Variants in MYO5B observed in about 807,000 individuals in gnomAD.
MYO5B encodes the protein myosin VB, also known as unconventional myosin-Vb.
MYO5B carries 143 observed loss-of-function variants against 229.3 expected under a neutral mutation model. That is an observed-to-expected ratio of 0.62 (90% confidence interval 0.54 to 0.72). MYO5B has a LOEUF of 0.72. Ranked by LOEUF, MYO5B falls within the 30% of genes least tolerant of loss-of-function variation. The pLI is 0.00. For missense variants in MYO5B, 2,321 were observed against 2,331.0 expected, an observed-to-expected ratio of 1.00 and a Z score of 0.09; for synonymous variants, 918 against 885.2, an observed-to-expected ratio of 1.04 and a Z score of -0.66.
chr18:49,966,051 A>T (rs1179732314), intron 10 of MYO5B, among the ~76,000 whole-genome samples: 1 of 152,152 alleles, frequency 6.6e-6, no homozygotes, highest in East Asian at 1.9e-4. Flanking sequence ...GAAATGTTGC[A>T]GCTGGCCCTG....
chr18:50,077,236 C>T (rs2941748), intron 1 of MYO5B, among the ~76,000 whole-genome samples: 148,931 of 149,282 alleles, frequency 1, 74,293 homozygotes, highest in Middle Eastern at 1. Context: ...GTCGGTCTTT[C>T]ACTATTTTTT....
At chr18:50,158,497 C>A (rs1353519275) in intron 1 of MYO5B, among the ~76,000 whole-genome samples, 1 of 152,178 alleles carries the variant, frequency 6.6e-6, no homozygotes, top group Non-Finnish European at 1.5e-5. Flanking sequence ...TCTTTCCTTG[C>A]GTGGATTCCT....
chr18:50,038,743 C>T (rs1029884815), intron 3 of MYO5B, among the ~76,000 whole-genome samples: 3 of 152,168 alleles, frequency 2.0e-5, no homozygotes, highest in African/African-American at 7.2e-5. Flanking sequence ...TAAATATGTA[C>T]AGACACTGGG....
Position 50,168,670 on chromosome 18 carries a change from C to G in MYO5B, c.27+26097G>C, listed in dbSNP as rs554258781. 4.7e-5 allele frequency among the ~76,000 whole-genome samples: 3 copies of G among 64,228 alleles called. 1 individual carries two copies. The highest frequency in any genetic ancestry group is 1.8e-4 in the African/African-American group (3 of 16,494). 42.1% of individuals were successfully genotyped at this position (64,228 alleles called of 152,430 possible). ...CTGTGTGAATCTCAGACACCACGAC[C>G]CCTAACCAGGTCTTGGTCAATCACC... is the stretch of plus-strand genomic sequence containing the variant. On this transcript the variant is annotated intron_variant, in intron 1 of 39. Coordinates refer to ENST00000285039, the MANE Select transcript of MYO5B (RefSeq NM_001080467.3).
chr18:50,118,166 C>T (rs1304568666), intron 1 of MYO5B, among the ~76,000 whole-genome samples: 1 of 152,278 alleles, frequency 6.6e-6, no homozygotes, highest in African/African-American at 2.4e-5. Context: ...CCAACTAAAC[C>T]CTGAGACCAG....
In MYO5B at chr18:49,873,905, A is replaced by T. The variant is rs1315278702; in HGVS notation, c.3538-1673T>A. On this transcript the variant is annotated intron_variant, in intron 26 of 39. Transcript: ENST00000285039. Reference sequence around the variant, plus strand: ...TCAGTCACTTCCATACTGATGGTACATCCCATGGGCTTCCCTGCCATTCCT... The same window carrying T: ...TCAGTCACTTCCATACTGATGGTACTTCCCATGGGCTTCCCTGCCATTCCT... 3.3e-5 allele frequency among the ~76,000 whole-genome samples: 5 copies of T among 152,166 alleles called. No individual in the cohort carries two copies. The South Asian group carries it at 8.3e-4, about 25-fold the overall frequency.
At chr18:50,142,942 G>T (rs1169223488) in intron 1 of MYO5B, among the ~76,000 whole-genome samples, 1 of 152,240 alleles carries the variant, frequency 6.6e-6, no homozygotes, top group Non-Finnish European at 1.5e-5. Context: ...AGAATGGAAA[G>T]AGTATGAATC....
chr18:50,123,864 T>C (rs542332168), intron 1 of MYO5B, among the ~76,000 whole-genome samples: 8 of 152,346 alleles, frequency 5.3e-5, no homozygotes, highest in Non-Finnish European at 8.8e-5. Flanking sequence ...TCATATATCT[T>C]ACAGCCTAGT....
At chr18:50,014,451 G>A (rs1351563586) in intron 4 of MYO5B, among the ~76,000 whole-genome samples, 2 of 152,176 alleles carry the variant, frequency 1.3e-5, no homozygotes. Flanking sequence ...GTAAGAGAGA[G>A]TATTAATGAT....
In MYO5B at chr18:49,864,141, C is replaced by T. The variant is rs779005002; in HGVS notation, c.3843G>A (p.Ala1281=). 1.6e-5 allele frequency: 26 copies of T among 1,607,820 alleles called. No homozygotes were observed. Among genetic ancestry groups the T allele is most frequent in the Non-Finnish European group, 1.9e-5 (23 of 1,179,860 alleles). ...CCACCGCGGGCCGCCATCTTGTTAC[C>T]GCGTTCCTGCCGGCGAGTCGCCGCT... The part of the protein sequence containing the change: ...ADQRRLAGRN[A]EPNINARSSW... The change falls in exon 28 of 40, where the codon GCG becomes GCA. Residue 1281 remains alanine (A), a splice_region_variant and synonymous_variant. Coordinates refer to ENST00000285039, the MANE Select transcript of MYO5B (RefSeq NM_001080467.3).
intron 1 of MYO5B, among the ~76,000 whole-genome samples, chr18:50,128,717 A>G (rs1275125643): frequency 6.6e-6 from 1 of 152,148 alleles, no homozygotes; most frequent in Non-Finnish European, 1.5e-5. Flanking sequence ...AGAATCCGAG[A>G]TCCTTTACAC....
intron 1 of MYO5B, among the ~76,000 whole-genome samples, chr18:50,127,799 A>C (rs761702956): frequency 9.2e-5 from 14 of 152,240 alleles, no homozygotes; most frequent in Non-Finnish European, 1.6e-4. Flanking sequence ...CATCTGAGTC[A>C]GTCGACTGAG....
chr18:50,104,877 A>T (rs376469002), intron 1 of MYO5B, among the ~76,000 whole-genome samples: 2 of 152,138 alleles, frequency 1.3e-5, no homozygotes, highest in Admixed American at 6.5e-5. Flanking sequence ...CAAAATGCAT[A>T]AACACCAGCA....
At chr18:49,957,691 A>AAC (rs2025511181) in intron 12 of MYO5B, among the ~76,000 whole-genome samples, 1 of 151,002 alleles carries the variant, frequency 6.6e-6, no homozygotes, top group African/African-American at 2.4e-5. Flanking sequence ...CCAAAAAAAA[A>AAC]AAAAAAACCA....
At chr18:50,152,283 T>A (rs1436292977) in intron 1 of MYO5B, among the ~76,000 whole-genome samples, 1 of 152,194 alleles carries the variant, frequency 6.6e-6, no homozygotes, top group Non-Finnish European at 1.5e-5. Flanking sequence ...CAGAATTTCA[T>A]AGGTTTCCTT....
At chr18:50,052,705 T>TA (rs35059232) in intron 2 of MYO5B, among the ~76,000 whole-genome samples, 102,918 of 142,484 alleles carry the variant, frequency 0.72, 35,757 homozygotes, top group Middle Eastern at 0.76. Context: ...TAAAGTATAA[T>TA]AAAAAAAAAA....
At chr18:49,853,716 G>A in intron 30 of MYO5B, 69 bp from the exon 31 acceptor site, 1 of 1,452,582 alleles carries the variant, frequency 6.9e-7, no homozygotes, top group Non-Finnish European at 9.4e-7. Context: ...GACACAGGCA[G>A]AAACATAACA....
intron 3 of MYO5B, among the ~76,000 whole-genome samples, chr18:50,039,225 T>C (rs111907581): frequency 4.6e-5 from 7 of 152,302 alleles, no homozygotes; most frequent in South Asian, 2.1e-4. Flanking sequence ...CAAACAACGG[T>C]TTATAGGGTT....
chr18:49,892,482 A>T (rs1421163780), intron 22 of MYO5B, among the ~76,000 whole-genome samples: 1 of 152,182 alleles, frequency 6.6e-6, no homozygotes, highest in Admixed American at 6.5e-5. Context: ...GCCTTTGCTG[A>T]TGGAAATATC....
Sources: allele counts gnomAD v4.1 joint callset (sites outside exome capture counted in the v4.1 genomes callset), GRCh38; gene constraint gnomAD v4.1.1; transcripts MANE v1.5; gene names NCBI Gene and HGNC (gene_info 2026-07-23, HGNC 2026-07-21).